The following THSD7B variants were observed in gnomAD, a reference collection of about 807,000 sequenced individuals.
THSD7B encodes thrombospondin type 1 domain containing 7B.
In THSD7B, 138 loss-of-function variants were observed where a neutral mutation model predicts 213.6. The ratio of observed to expected loss-of-function variants is 0.65; its 90% CI spans 0.56 to 0.74. The LOEUF (loss-of-function observed/expected upper bound fraction) is 0.74, where lower values mean the gene tolerates loss of function less well. THSD7B is among the 30% of genes least tolerant of loss of function. The pLI is 0.00. For missense variants in THSD7B, 1,931 were observed against 1,991.5 expected, an observed-to-expected ratio of 0.97 and a Z score of 0.58; for synonymous variants, 742 against 687.0, an observed-to-expected ratio of 1.08 and a Z score of -1.25.
chr2:137,411,472 T>C lies in THSD7B; in HGVS notation c.2696-137T>C, dbSNP rs953482726. ...TGTTTCCGTTGTCTCAGGATTTACT[T>C]TCATGACAAAAGAGTGAAGAAAACA... On this transcript the variant is annotated intron_variant, in intron 13 of 27. Transcript: ENST00000409968. The C allele has an allele frequency of 1.2e-5, 10 of 806,816 alleles. No individual in the cohort carries two copies. In the Admixed American group the frequency reaches 2.3e-4, roughly 19 times the overall value. The allele number at this position is 806,816 out of a possible 1,614,324, so 50.0% of individuals were successfully genotyped here. A position where few individuals can be genotyped will look rare whatever the true frequency, so the allele number is the denominator to read the frequency against.
intron 22 of THSD7B, 102 bp from the exon 23 acceptor site, chr2:137,656,694 C>A: frequency 9.1e-7 from 1 of 1,097,926 alleles, no homozygotes; most frequent in Non-Finnish European, 1.3e-6. Context: ...TCAGGAACTG[C>A]ATGTATCACT....
chr2:136,907,393 C>T lies in THSD7B; in HGVS notation c.139+25076C>T, dbSNP rs115424622. ...CAATATTTATTTTCTAAATCAATTACAAAGGTAGAAATATTGTTTTAAAAA... is the reference window on the plus strand; with the variant it reads ...CAATATTTATTTTCTAAATCAATTATAAAGGTAGAAATATTGTTTTAAAAA... On this transcript the variant is annotated intron_variant, in intron 2 of 27. Coordinates refer to ENST00000409968, the MANE Select transcript of THSD7B (RefSeq NM_001316349.2). Among the ~76,000 whole-genome samples, 39 of 152,174 alleles carry T rather than the reference C, an allele frequency of 2.6e-4. 1 individual carries two copies. The highest frequency in any genetic ancestry group is 8.7e-4 in the African/African-American group (36 of 41,524).
At chr2:136,916,208 A>G (rs1558850797) in intron 2 of THSD7B, among the ~76,000 whole-genome samples, 1 of 152,190 alleles carries the variant, frequency 6.6e-6, no homozygotes, top group Non-Finnish European at 1.5e-5. Flanking sequence ...TTTATTAGTC[A>G]TGAGAATGTG....
intron 12 of THSD7B, among the ~76,000 whole-genome samples, chr2:137,355,632 T>C (rs963226407): frequency 5.3e-5 from 8 of 152,190 alleles, no homozygotes; most frequent in African/African-American, 1.9e-4. Context: ...GCTTTTAAAA[T>C]CAGCATGAAC....
chr2:137,081,172 C>G (rs1173179182), intron 3 of THSD7B, among the ~76,000 whole-genome samples: 2 of 151,912 alleles, frequency 1.3e-5, no homozygotes, highest in Admixed American at 6.6e-5. Flanking sequence ...GTATATGTCC[C>G]AGGGTCGATT....
intron 1 of THSD7B, among the ~76,000 whole-genome samples, chr2:136,863,459 C>A (rs1275456964): frequency 2.6e-5 from 4 of 152,196 alleles, no homozygotes; most frequent in African/African-American, 9.7e-5. Context: ...CCATCCAGAT[C>A]CTTTTGCAGT....
chr2:137,046,262 G>A (rs1416204307), intron 2 of THSD7B, among the ~76,000 whole-genome samples: 1 of 152,178 alleles, frequency 6.6e-6, no homozygotes, highest in Non-Finnish European at 1.5e-5. Flanking sequence ...AGAGAGACAA[G>A]TATTAAACAG....
chr2:137,275,224 A>T (rs1046386571), intron 11 of THSD7B, among the ~76,000 whole-genome samples: 4 of 152,074 alleles, frequency 2.6e-5, no homozygotes, highest in African/African-American at 4.8e-5. Flanking sequence ...AGGACTAGAA[A>T]TCATGGTATT....
chr2:137,420,048 T>C (rs1223463242), intron 14 of THSD7B, among the ~76,000 whole-genome samples: 1 of 152,160 alleles, frequency 6.6e-6, no homozygotes, highest in Non-Finnish European at 1.5e-5. Context: ...ATTATACTAA[T>C]TTACATTCCC....
chr2:137,311,540 A>G (rs148547489), intron 12 of THSD7B, among the ~76,000 whole-genome samples: 8,459 of 152,110 alleles, frequency 0.056, 325 homozygotes, highest in East Asian at 0.099. Flanking sequence ...TTCCAACACT[A>G]TGTTGAATAG....
intron 12 of THSD7B, among the ~76,000 whole-genome samples, chr2:137,349,075 A>G (rs772440635): frequency 2.0e-5 from 3 of 151,594 alleles, no homozygotes; most frequent in Non-Finnish European, 4.4e-5. Flanking sequence ...AAATTGGGAT[A>G]AAGTTAGATA....
intron 7 of THSD7B, among the ~76,000 whole-genome samples, chr2:137,184,260 G>C (rs1680510030): frequency 6.6e-6 from 1 of 152,104 alleles, no homozygotes; most frequent in African/African-American, 2.4e-5. Flanking sequence ...CTATTACAAG[G>C]GCCTTAGTCC....
chr2:137,014,460 T>C (rs1444578221), intron 2 of THSD7B, among the ~76,000 whole-genome samples: 1 of 152,222 alleles, frequency 6.6e-6, no homozygotes, highest in African/African-American at 2.4e-5. Context: ...TTTTTTCACC[T>C]GTAGGCCAAG....
chr2:137,199,283 T>A (rs1680830667), intron 7 of THSD7B, among the ~76,000 whole-genome samples: 1 of 152,178 alleles, frequency 6.6e-6, no homozygotes, highest in Non-Finnish European at 1.5e-5. Flanking sequence ...TATCTAGTCT[T>A]TTCTCACTCT....
chr2:136,823,013 A>G (rs535832153), intron 1 of THSD7B, among the ~76,000 whole-genome samples: 5 of 152,352 alleles, frequency 3.3e-5, no homozygotes, highest in Non-Finnish European at 7.3e-5. Context: ...AATATTATCA[A>G]TAAGCACCTG....
At chr2:137,220,299 C>A (rs796618192) in intron 7 of THSD7B, among the ~76,000 whole-genome samples, 125 of 152,004 alleles carry the variant, frequency 8.2e-4, no homozygotes, top group African/African-American at 3.0e-3. Flanking sequence ...CAAATAATTT[C>A]TTTCTAGAAT....
intron 1 of THSD7B, among the ~76,000 whole-genome samples, chr2:136,779,194 ATATATGTGTGTGTGTGTGTG>A (rs1446065224): frequency 3.9e-5 from 3 of 76,642 alleles, no homozygotes; most frequent in African/African-American, 1.5e-4. Context: ...GGCTATATAT[ATATATGTGTGTGTGTGTGTG>A]TGTGTGTGTG....
At chr2:137,654,079 C>T (rs926527544) in intron 21 of THSD7B, among the ~76,000 whole-genome samples, 5 of 151,900 alleles carry the variant, frequency 3.3e-5, no homozygotes, top group Non-Finnish European at 7.4e-5. Context: ...TTTAGTAATT[C>T]TTCGTAATTT....
At chr2:137,094,551 C>T (rs1688004251) in intron 3 of THSD7B, among the ~76,000 whole-genome samples, 1 of 150,496 alleles carries the variant, frequency 6.6e-6, no homozygotes, top group Admixed American at 6.7e-5. Flanking sequence ...GAGCAAGACT[C>T]CATCTCTAAA....
Sources: allele counts gnomAD v4.1 joint callset (sites outside exome capture counted in the v4.1 genomes callset), GRCh38; gene constraint gnomAD v4.1.1; transcripts MANE v1.5; gene names NCBI Gene and HGNC (gene_info 2026-07-23, HGNC 2026-07-21).